The following ACTN4 variants were observed in gnomAD, a reference collection of about 807,000 sequenced individuals.
The protein encoded by ACTN4 is alpha-actinin-4.
In ACTN4, 18 loss-of-function variants were observed where a neutral mutation model predicts 114.2. That is an observed-to-expected ratio of 0.16 (90% CI 0.11 to 0.23). The LOEUF is 0.23. ACTN4 is among the 10% of genes least tolerant of loss of function. The pLI, the probability that ACTN4 is intolerant of heterozygous loss-of-function variation, is 1.00. For synonymous variants in ACTN4, 515 were observed against 506.3 expected (o/e 1.02, Z -0.23); for missense variants, 722 against 1,262.9 (o/e 0.57, Z 6.49).
At chr19:38,711,227 C>G (rs1968639661) in intron 8 of ACTN4, 2 of 947,642 alleles carry the variant, frequency 2.1e-6, no homozygotes, top group African/African-American at 1.8e-5. Context: ...CTCCCTGCGT[C>G]TTTCACTCTC....
chr19:38,704,784 G>A, intron 3 of ACTN4, 150 bp from the exon 4 acceptor site: 1 of 716,350 alleles, frequency 1.4e-6, no homozygotes, highest in Admixed American at 2.0e-5. Context: ...TCCTGAGGGA[G>A]GTGGAGGAGG....
At chr19:38,692,582 G>A (rs1250885498) in intron 1 of ACTN4, among the ~76,000 whole-genome samples, 1 of 152,152 alleles carries the variant, frequency 6.6e-6, no homozygotes, top group African/African-American at 2.4e-5. Context: ...TAGCCGTCTG[G>A]CCCTGAAAGC....
intron 8 of ACTN4, among the ~76,000 whole-genome samples, chr19:38,712,156 G>T (rs113410752): frequency 1.5e-3 from 225 of 152,338 alleles, no homozygotes; most frequent in African/African-American, 5.1e-3. Flanking sequence ...GAGGGTCCCT[G>T]TGCACACCCC....
At chr19:38,665,669 C>G (rs979279220) in intron 1 of ACTN4, among the ~76,000 whole-genome samples, 4 of 152,230 alleles carry the variant, frequency 2.6e-5, no homozygotes, top group African/African-American at 7.2e-5. Flanking sequence ...AGCCCTCTCC[C>G]CAGCCCCTGC....
chr19:38,712,787 T>C (rs1456098114), intron 8 of ACTN4, among the ~76,000 whole-genome samples: 1 of 152,156 alleles, frequency 6.6e-6, no homozygotes, highest in Non-Finnish European at 1.5e-5. Flanking sequence ...GCCCACCACA[T>C]GGCCTCACCA....
At chr19:38,686,791 G>C (rs1967758329) in intron 1 of ACTN4, among the ~76,000 whole-genome samples, 1 of 152,124 alleles carries the variant, frequency 6.6e-6, no homozygotes. Context: ...GGGTTGGTTG[G>C]TTGGTTGGTT....
At chr19:38,660,050 A>G (rs1976834676) in intron 1 of ACTN4, among the ~76,000 whole-genome samples, 1 of 151,560 alleles carries the variant, frequency 6.6e-6, no homozygotes, top group African/African-American at 2.4e-5. Flanking sequence ...AGCCTTCCAA[A>G]TAGCTGGGAC....
chr19:38,657,479 A>G (rs946837589), intron 1 of ACTN4, among the ~76,000 whole-genome samples: 2 of 152,134 alleles, frequency 1.3e-5, no homozygotes, highest in Non-Finnish European at 2.9e-5. Context: ...GGGTCTCACT[A>G]TGTTGCCCAG....
intron 1 of ACTN4, among the ~76,000 whole-genome samples, chr19:38,668,672 G>C (rs145034263): frequency 0.014 from 2,144 of 152,126 alleles, 58 homozygotes; most frequent in African/African-American, 0.047. Context: ...GCAAGAGAGT[G>C]AGACTCCATC....
At chr19:38,660,264 G>A (rs925911447) in intron 1 of ACTN4, among the ~76,000 whole-genome samples, 2 of 152,158 alleles carry the variant, frequency 1.3e-5, no homozygotes, top group African/African-American at 4.8e-5. Context: ...TGGTGGGGGA[G>A]ACAGCATGCA....
Sources: gnomAD v4.1 joint callset for allele counts (sites outside exome capture counted in the v4.1 genomes callset) on GRCh38, gnomAD v4.1.1 for gene constraint, MANE v1.5 for transcripts, NCBI Gene and HGNC (gene_info 2026-07-23, HGNC 2026-07-21) for gene names.